Variants in COL4A3 observed in about 807,000 individuals in gnomAD.
The protein encoded by COL4A3 is collagen type IV alpha 3 chain, also known as collagen alpha-3(IV) chain.
Under a neutral mutation model 217.4 loss-of-function variants are expected in COL4A3, and 135 were observed. That is an observed-to-expected ratio of 0.62 (90% CI 0.54 to 0.72). The LOEUF (loss-of-function observed/expected upper bound fraction) is 0.72, where lower values mean the gene tolerates loss of function less well. Ranked by LOEUF, COL4A3 falls within the 30% of genes least tolerant of loss-of-function variation. The probability of loss-of-function intolerance (pLI) is 0.00; values close to 1 mark genes in which losing one functional copy is unlikely to be tolerated. For missense variants in COL4A3, 1,868 were observed against 2,119.9 expected, an observed-to-expected ratio of 0.88 and a Z score of 2.33; for synonymous variants, 690 against 736.3, an observed-to-expected ratio of 0.94 and a Z score of 1.02.
Position 227,226,938 on chromosome 2 carries a change from CAA to C in COL4A3, c.88-11029_88-11028del, listed in dbSNP as rs148766260. ...GGCTACTATGCAGATACCTATATAA[CAA>C]GAGAGAAAATAAATATCCACAACAT... On this transcript the variant is annotated intron_variant, in intron 1 of 51. Coordinates refer to ENST00000396578, the MANE Select transcript of COL4A3 (RefSeq NM_000091.5). Among the ~76,000 whole-genome samples, 592 of 152,258 alleles carry C rather than the reference CAA, an allele frequency of 3.9e-3. 2 individuals carry two copies. Among genetic ancestry groups the C allele is most frequent in the African/African-American group, 0.014 (572 of 41,536 alleles).
intron 34 of COL4A3, among the ~76,000 whole-genome samples, chr2:227,287,200 G>C (rs769742321): frequency 1.3e-5 from 2 of 152,198 alleles, no homozygotes; most frequent in African/African-American, 4.8e-5. Flanking sequence ...TTGGGAGGCC[G>C]AGGCGGGTGG....
chr2:227,280,539 C>T lies in COL4A3; in HGVS notation c.2323C>T (p.Leu775Phe). The T allele has an allele frequency of 1.2e-6, 2 of 1,613,864 alleles. No homozygotes were observed. The highest frequency in any genetic ancestry group is 1.7e-5 in the Admixed American group (1 of 60,034). Residue 775 changes from leucine (L) to phenylalanine (F), a missense_variant, in exon 30 of 52, where the codon CTT becomes TTT. This residue lies in a region of COL4A3 where 1,503 missense variants were observed against 1,786.1 expected (regional missense o/e 0.84). Transcript: ENST00000396578. Reference sequence around the variant, plus strand: ...ACATGGAGAAATTGGACTCCCTGGACTTCCAGGTCTCCCTGGAACTCCAGG... The same window carrying T: ...ACATGGAGAAATTGGACTCCCTGGATTTCCAGGTCTCCCTGGAACTCCAGG... ...GEHGEIGLPG[L>F]PGLPGTPGNE...
chr2:227,290,429 G>A (rs530936189), intron 36 of COL4A3, among the ~76,000 whole-genome samples: 3 of 152,250 alleles, frequency 2.0e-5, no homozygotes, highest in Non-Finnish European at 2.9e-5. Context: ...GAACCCGAGA[G>A]GTGGAGGTTG....
chr2:227,273,772 T>A (rs1559887715), intron 26 of COL4A3, among the ~76,000 whole-genome samples: 1 of 152,086 alleles, frequency 6.6e-6, no homozygotes, highest in Non-Finnish European at 1.5e-5. Context: ...CTTTAAAATA[T>A]CTAAGACAAA....
intron 1 of COL4A3, among the ~76,000 whole-genome samples, chr2:227,165,782 C>T (rs2065239395): frequency 1.3e-5 from 2 of 152,148 alleles, no homozygotes; most frequent in Admixed American, 6.5e-5. Flanking sequence ...CCTATGGTCA[C>T]ATATAGGTTC....
Position 227,280,580 on chromosome 2 carries a change from T to C in COL4A3, c.2364T>C (p.Asp788=). The C allele has an allele frequency of 6.2e-7, 1 of 1,614,122 alleles. No homozygotes were observed. Among genetic ancestry groups the C allele is most frequent in the Non-Finnish European group, 8.5e-7 (1 of 1,179,988 alleles). Residue 788 remains aspartate, a synonymous_variant, in exon 30 of 52, where the codon GAT becomes GAC. Transcript: ENST00000396578. ...LPGTPGNEGL[D]GPRGDPGQPG... ...GAACTCCAGGAAATGAAGGGCTTGA[T>C]GGACCACGAGGTACAATAGCAAGTG...
At chr2:227,201,496 G>A (rs767013736) in intron 1 of COL4A3, among the ~76,000 whole-genome samples, 5 of 152,174 alleles carry the variant, frequency 3.3e-5, no homozygotes, top group Non-Finnish European at 7.4e-5. Context: ...AAGAAGAATA[G>A]TAGCACTGTA....
Position 227,290,048 on chromosome 2 carries a change from G to C in COL4A3, c.3030G>C (p.Leu1010=). Residue 1010 remains leucine, a synonymous_variant, in exon 36 of 52, where the codon CTG becomes CTC. Transcript: ENST00000396578. ...CTGGGAATCCTGGAGAACCAGGACT[G>C]CGTGGTATACCAGGAAGCATGGGGA... ...GSTGNPGEPG[L]RGIPGSMGNM... The C allele has an allele frequency of 6.2e-7, 1 of 1,614,186 alleles. No homozygotes were observed. The highest frequency in any genetic ancestry group is 1.1e-5 in the South Asian group (1 of 91,084).
chr2:227,220,521 A>G (rs2067735839), intron 1 of COL4A3, among the ~76,000 whole-genome samples: 1 of 152,006 alleles, frequency 6.6e-6, no homozygotes, highest in African/African-American at 2.4e-5. Flanking sequence ...GCTGGAGTGC[A>G]GTGGTGGAGC....
intron 1 of COL4A3, among the ~76,000 whole-genome samples, chr2:227,233,092 C>A (rs373723551): frequency 4.1e-4 from 62 of 152,298 alleles, no homozygotes; most frequent in Middle Eastern, 6.8e-3. Flanking sequence ...CAGCTAACTA[C>A]AACCTCAGCC....
intron 1 of COL4A3, among the ~76,000 whole-genome samples, chr2:227,198,541 C>T (rs1050311833): frequency 6.6e-6 from 1 of 152,182 alleles, no homozygotes; most frequent in Non-Finnish European, 1.5e-5. Context: ...TAGACAATCA[C>T]ATTAAATAAT....
In COL4A3 at chr2:227,308,938, C is replaced by T. The variant is rs1553766363; in HGVS notation, c.4502C>T (p.Pro1501Leu). The T allele has an allele frequency of 6.2e-7, 1 of 1,614,160 alleles. No individual in the cohort carries two copies. Among genetic ancestry groups the T allele is most frequent in the Non-Finnish European group, 8.5e-7 (1 of 1,180,028 alleles). ...GSCLQRFTTMPFLFCNVNDVC... is the reference protein window; with the variant it reads ...GSCLQRFTTMLFLFCNVNDVC... ...TGCCTGCAGCGATTTACCACAATGC[C>T]ATTCTTATTCTGCAATGTCAATGAT... The change falls in exon 49 of 52, where the codon CCA becomes CTA. Residue 1501 changes from proline to leucine, a missense_variant. Pro to Leu is a moderately conservative substitution (Grantham distance 98). Coordinates refer to ENST00000396578, the MANE Select transcript of COL4A3 (RefSeq NM_000091.5).
At chr2:227,224,726 G>T (rs1187472383) in intron 1 of COL4A3, among the ~76,000 whole-genome samples, 3 of 150,916 alleles carry the variant, frequency 2.0e-5, no homozygotes, top group African/African-American at 7.3e-5. Flanking sequence ...TTGCACTCCA[G>T]CCTGGGCAAC....
chr2:227,221,320 C>T, intron 1 of COL4A3: 1 of 152,230 alleles, frequency 6.6e-6, no homozygotes, highest in East Asian at 1.9e-4. Context: ...TTCCATCTCA[C>T]TGGTACCCAC....
At chr2:227,244,908 G>GTT (rs376754524) in intron 4 of COL4A3, 43 bp from the exon 5 acceptor site, 68 of 1,306,304 alleles carry the variant, frequency 5.2e-5, no homozygotes, top group African/African-American at 1.4e-4. Flanking sequence ...CATTTTTAAA[G>GTT]TTTTTTTTTT....
intron 37 of COL4A3, 92 bp from the exon 38 acceptor site, chr2:227,293,099 G>T: frequency 6.5e-7 from 1 of 1,536,210 alleles, no homozygotes. Context: ...ATTGATGAAT[G>T]AATGAAAAAA....
At chr2:227,174,890 T>C (rs541194697) in intron 1 of COL4A3, among the ~76,000 whole-genome samples, 1 of 152,326 alleles carries the variant, frequency 6.6e-6, no homozygotes, top group South Asian at 2.1e-4. Flanking sequence ...GTGCTGGGAC[T>C]CATTGGTAAA....
Position 227,253,476 on chromosome 2 carries a change from G to A in COL4A3, c.688-85G>A. On this transcript the variant is annotated intron_variant, in intron 12 of 51. Coordinates refer to ENST00000396578, the MANE Select transcript of COL4A3 (RefSeq NM_000091.5). The surrounding 1 kb of genome is among the most constrained non-coding windows in gnomAD (Gnocchi z 4.4). ...TATCTTCCCGTATAAGCACTAAAGG[G>A]GAAAAGTAGACCTTTCAAACGTAGT... 7.0e-7 allele frequency: 1 copy of A among 1,421,546 alleles called. No individual in the cohort carries two copies. The allele number at this position is 1,421,546 out of a possible 1,614,324, so 88.1% of individuals were successfully genotyped here.
intron 1 of COL4A3, among the ~76,000 whole-genome samples, chr2:227,233,000 T>C (rs1318023006): frequency 6.6e-6 from 1 of 152,128 alleles, no homozygotes; most frequent in East Asian, 1.9e-4. Flanking sequence ...CTTTTATATT[T>C]TTTATTGTAT....
Sources: gnomAD v4.1 joint callset for allele counts (sites outside exome capture counted in the v4.1 genomes callset) on GRCh38, gnomAD v4.1.1 for gene constraint, gnomAD v4.1.1 regional missense constraint, Gnocchi (gnomAD v3.1) non-coding constraint, MANE v1.5 for transcripts, NCBI Gene and HGNC (gene_info 2026-07-23, HGNC 2026-07-21) for gene names.